COPG2: variants seen among roughly 807,000 people sequenced by gnomAD.
COPG2 encodes the protein coat protein complex I subunit gamma 2.
In COPG2, 37 loss-of-function variants were observed where a neutral mutation model predicts 46.3. That is an observed-to-expected ratio of 0.80 (90% CI 0.61 to 1.05). COPG2 has a LOEUF of 1.05. Ranked by LOEUF, COPG2 falls within the 50% of genes least tolerant of loss-of-function variation. The pLI is 0.00. For synonymous variants in COPG2, 159 were observed against 129.7 expected, an observed-to-expected ratio of 1.23 and a Z score of -1.53; for missense variants, 427 against 387.8, an observed-to-expected ratio of 1.10 and a Z score of -0.85.
intron 9 of COPG2, among the ~76,000 whole-genome samples, chr7:130,575,317 A>G (rs1554446055): frequency 6.6e-6 from 1 of 152,196 alleles, no homozygotes; most frequent in Non-Finnish European, 1.5e-5. Context: ...GCACCAGATA[A>G]CCTATCAAGG....
chr7:130,633,999 T>C (rs1431907595), intron 5 of COPG2, among the ~76,000 whole-genome samples: 1 of 152,216 alleles, frequency 6.6e-6, no homozygotes, highest in Admixed American at 6.5e-5. Flanking sequence ...TTGCTTGTTT[T>C]TGTCAGGTTT....
intron 5 of COPG2, among the ~76,000 whole-genome samples, chr7:130,621,157 T>C (rs1554453587): frequency 6.6e-6 from 1 of 152,160 alleles, no homozygotes; most frequent in African/African-American, 2.4e-5. Context: ...GGAATGCAAG[T>C]AGCCTCCAGA....
At chr7:130,575,281 A>G (rs1474649564) in intron 9 of COPG2, among the ~76,000 whole-genome samples, 4 of 152,218 alleles carry the variant, frequency 2.6e-5, no homozygotes, top group African/African-American at 4.8e-5. Context: ...GACAAAGGAA[A>G]GAATCTTAAG....
Position 130,588,606 on chromosome 7 carries a change from T to C in COPG2, c.737+22347A>G, listed in dbSNP as rs1554448414. Among the ~76,000 whole-genome samples the C allele has an allele frequency of 2.0e-5, 3 of 151,642 alleles. No individual in the cohort carries two copies. The South Asian group carries it at 6.3e-4, about 32-fold the overall frequency. ...GTGGGAATTGAACAATGAGAACACA[T>C]GGACACAGGAAGGGGATCATCACAC... On this transcript the variant is annotated intron_variant, in intron 9 of 23. Coordinates refer to ENST00000425248, the MANE Select transcript of COPG2 (RefSeq NM_012133.6).
At chr7:130,514,231 T>G (rs782054422) in intron 20 of COPG2, among the ~76,000 whole-genome samples, 3 of 152,230 alleles carry the variant, frequency 2.0e-5, no homozygotes, top group Admixed American at 6.5e-5. Context: ...TGAGCCCTAA[T>G]AGGGCAGCAC....
intron 6 of COPG2, 55 bp from the exon 7 acceptor site, chr7:130,613,691 T>C: frequency 9.0e-7 from 1 of 1,105,122 alleles, no homozygotes; most frequent in Non-Finnish European, 1.3e-6. Flanking sequence ...TATGCAAAAT[T>C]ACTCTTATGC....
At chr7:130,589,617 C>T (rs1794357354) in intron 9 of COPG2, among the ~76,000 whole-genome samples, 1 of 152,148 alleles carries the variant, frequency 6.6e-6, no homozygotes, top group South Asian at 2.1e-4. Flanking sequence ...TACCAAATTA[C>T]CTTACAAAGT....
intron 20 of COPG2, among the ~76,000 whole-genome samples, chr7:130,518,474 G>C (rs1199372097): frequency 1.3e-5 from 2 of 152,160 alleles, no homozygotes; most frequent in Non-Finnish European, 2.9e-5. Context: ...TCTGTATTTG[G>C]TATGGAGCAG....
chr7:130,588,475 G>A (rs1554448402), intron 9 of COPG2, among the ~76,000 whole-genome samples: 1 of 152,046 alleles, frequency 6.6e-6, no homozygotes, highest in Non-Finnish European at 1.5e-5. Context: ...CATAAAAAAT[G>A]ATGAGTTCAT....
At chr7:130,601,955 G>C (rs1419794066) in intron 9 of COPG2, among the ~76,000 whole-genome samples, 1 of 152,206 alleles carries the variant, frequency 6.6e-6, no homozygotes, top group East Asian at 1.9e-4. Context: ...CCAACAGCCA[G>C]GGAGAAACTG....
rs1426806724 is a variant in COPG2, at chr7:130,591,194, G to A, written c.737+19759C>T. ...CCGCCCCGTCCGGGAGGTGAGGGGCGCCTCTGCCCGGCCGCCCCTACTGGG... is the reference window on the plus strand; with the variant it reads ...CCGCCCCGTCCGGGAGGTGAGGGGCACCTCTGCCCGGCCGCCCCTACTGGG... On this transcript the variant is annotated intron_variant, in intron 9 of 23. Coordinates refer to ENST00000425248, the MANE Select transcript of COPG2 (RefSeq NM_012133.6). 3.7e-3 allele frequency among the ~76,000 whole-genome samples: 505 copies of A among 137,012 alleles called. 4 individuals carry two copies. Among genetic ancestry groups the A allele is most frequent in the African/African-American group, 0.013 (472 of 36,162 alleles). 89.9% of individuals were successfully genotyped at this position (137,012 alleles called of 152,430 possible). A position where few individuals can be genotyped will look rare whatever the true frequency, so the allele number is the denominator to read the frequency against.
chr7:130,659,925 A>G (rs1221834227), intron 4 of COPG2, among the ~76,000 whole-genome samples: 1 of 149,596 alleles, frequency 6.7e-6, no homozygotes, highest in African/African-American at 2.4e-5. Flanking sequence ...ACATTGCAAA[A>G]GAAGAAGATG....
chr7:130,523,417 G>A (rs1343101804), intron 20 of COPG2, among the ~76,000 whole-genome samples: 1 of 152,162 alleles, frequency 6.6e-6, no homozygotes, highest in Non-Finnish European at 1.5e-5. Context: ...CTGATAGGCC[G>A]CCTTGGGGTC....
At chr7:130,567,367 T>C (rs971646402) in intron 9 of COPG2, among the ~76,000 whole-genome samples, 2 of 152,284 alleles carry the variant, frequency 1.3e-5, no homozygotes, top group South Asian at 2.1e-4. Context: ...AAGATAAATC[T>C]AAAAGTTTGG....
chr7:130,516,190 A>C (rs1224741058), intron 20 of COPG2, among the ~76,000 whole-genome samples: 1 of 152,230 alleles, frequency 6.6e-6, no homozygotes, highest in East Asian at 1.9e-4. Context: ...ATTGACCAAA[A>C]AAAGTGTCAA....
chr7:130,585,722 A>G (rs1302610533), intron 9 of COPG2, among the ~76,000 whole-genome samples: 2 of 152,072 alleles, frequency 1.3e-5, no homozygotes, highest in African/African-American at 4.8e-5. Context: ...AAAATGCTCA[A>G]CATCACTAAT....
At chr7:130,521,080 G>A (rs1799719465) in intron 20 of COPG2, among the ~76,000 whole-genome samples, 2 of 152,148 alleles carry the variant, frequency 1.3e-5, no homozygotes, top group Admixed American at 1.3e-4. Flanking sequence ...TCAAATTTAA[G>A]ATAATGCAAT....
intron 4 of COPG2, among the ~76,000 whole-genome samples, chr7:130,662,699 T>C (rs1554460944): frequency 2.0e-5 from 3 of 152,208 alleles, no homozygotes; most frequent in African/African-American, 4.8e-5. Context: ...ACTGACTTCT[T>C]TATCAGTCCA....
rs1317867281 is a variant in COPG2 at position 130,530,210 on chromosome 7, C to T, written c.2149+17464G>A. ...TAGTGTGGCTAAGAGGAAATGGATCCAGATGGGCTTGATGGGGAGCAGATG... is the reference window on the plus strand; with the variant it reads ...TAGTGTGGCTAAGAGGAAATGGATCTAGATGGGCTTGATGGGGAGCAGATG... On this transcript the variant is annotated intron_variant, in intron 20 of 23. Coordinates refer to ENST00000425248, the MANE Select transcript of COPG2 (RefSeq NM_012133.6). Among the ~76,000 whole-genome samples the T allele has an allele frequency of 7.2e-5, 11 of 152,158 alleles. No individual in the cohort carries two copies. The South Asian group carries it at 1.7e-3, about 23-fold the overall frequency.
Sources: gnomAD v4.1 joint callset for allele counts (sites outside exome capture counted in the v4.1 genomes callset) on GRCh38, gnomAD v4.1.1 for gene constraint, MANE v1.5 for transcripts, NCBI Gene and HGNC (gene_info 2026-07-23, HGNC 2026-07-21) for gene names.